The following MAX variants were observed in gnomAD, a reference collection of about 807,000 sequenced individuals.
The protein encoded by MAX is protein max.
A neutral mutation model predicts 22.3 loss-of-function variants in MAX; 3 were observed. The observed-to-expected ratio is 0.13, with a 90% CI of 0.06 to 0.35. MAX has a LOEUF of 0.35. Ranked by LOEUF, MAX falls within the 10% of genes least tolerant of loss-of-function variation. The pLI is 1.00. For synonymous variants in MAX, 72 were observed against 77.7 expected, an observed-to-expected ratio of 0.93 and a Z score of 0.39; for missense variants, 119 against 209.4, an observed-to-expected ratio of 0.57 and a Z score of 2.66.
Position 65,077,763 on chromosome 14 carries a change from C to T in MAX, c.295+150G>A, listed in dbSNP as rs1252715387. On this transcript the variant is annotated intron_variant, in intron 4 of 4. Transcript: ENST00000358664. This position sits in a 1 kb window ranked among gnomAD's most constrained non-coding sequence, Gnocchi z 6.3. ...AGGTCCTTCCTCAGGACGGCTCTAA[C>T]ACTCAGTTACTCAGGCCCCAAGAAG... 3.7e-6 allele frequency: 6 copies of T among 1,612,910 alleles called. No individual in the cohort carries two copies. In the East Asian group the frequency reaches 1.3e-4, roughly 36 times the overall value.
At chr14:65,015,480 G>A (rs2061755527) in intron 3 of MAX, 2 of 363,746 alleles carry the variant, frequency 5.5e-6, no homozygotes, top group Non-Finnish European at 9.8e-6. Context: ...AAAGCAAAGT[G>A]TCCTTTATTC....
rs1350604508 is a variant in MAX at position 65,077,598 on chromosome 14, T to C, written c.295+315A>G. On this transcript the variant is annotated intron_variant, in intron 4 of 4. Transcript: ENST00000358664. The surrounding 1 kb of genome is among the most constrained non-coding windows in gnomAD (Gnocchi z 6.3). Reference sequence around the variant, plus strand: ...CCACTCCAAGGACCTCAAAGCTCTTTTCAGACACCTGATGCCAGGTGTGAT... The same window carrying C: ...CCACTCCAAGGACCTCAAAGCTCTTCTCAGACACCTGATGCCAGGTGTGAT... The C allele has an allele frequency of 2.0e-6, 2 of 1,023,880 alleles. No individual in the cohort carries two copies. Among genetic ancestry groups the C allele is most frequent in the Admixed American group, 4.0e-5 (2 of 49,918 alleles). The allele number at this position is 1,023,880 out of a possible 1,614,324, so 63.4% of individuals were successfully genotyped here. A position where few individuals can be genotyped will look rare whatever the true frequency, so the allele number is the denominator to read the frequency against.
intron 3 of MAX, among the ~76,000 whole-genome samples, chr14:65,040,362 T>A (rs1327609283): frequency 1.3e-5 from 2 of 150,890 alleles, no homozygotes; most frequent in Non-Finnish European, 2.9e-5. Flanking sequence ...TCCCAAAGAG[T>A]AATAATTTGA....
In MAX at chr14:65,057,651, C is replaced by T. The variant is rs2062767551; in HGVS notation, c.171+36057G>A. 3.3e-5 allele frequency among the ~76,000 whole-genome samples: 5 copies of T among 152,312 alleles called. No individual in the cohort carries two copies. The South Asian group carries it at 1.0e-3, about 32-fold the overall frequency. On this transcript the variant is annotated intron_variant, in intron 3 of 3. Coordinates refer to the MAX transcript ENST00000341653. The stretch of plus-strand genomic sequence containing the variant: ...GAATGAACAAGGCAATGCAGCAAGT[C>T]ATTAAGTGTAACTTCTTCTAAATAG...
intron 3 of MAX, chr14:65,053,322 C>A: frequency 1.4e-6 from 2 of 1,437,342 alleles, no homozygotes; most frequent in Admixed American, 2.6e-5. Flanking sequence ...CAGTGCCCTG[C>A]GGGGGGGCTT....
chr14:65,024,103 T>TAA (rs557949276), intron 3 of MAX, among the ~76,000 whole-genome samples: 31 of 129,684 alleles, frequency 2.4e-4, no homozygotes, highest in Non-Finnish European at 2.6e-4. Flanking sequence ...CTCCATCTCC[T>TAA]AAAAAAAAAA....
intron 3 of MAX, among the ~76,000 whole-genome samples, chr14:65,026,509 A>T (rs994021165): frequency 6.6e-6 from 1 of 152,186 alleles, no homozygotes; most frequent in Non-Finnish European, 1.5e-5. Flanking sequence ...TAAGGTGAGC[A>T]TGAGAGCAGC....
intron 3 of MAX, among the ~76,000 whole-genome samples, chr14:65,080,631 G>A (rs906543811): frequency 6.6e-6 from 1 of 152,160 alleles, no homozygotes; most frequent in Admixed American, 6.5e-5. Flanking sequence ...AATTCTCTAA[G>A]ACCCCATCTA....
chr14:65,032,723 C>T lies in MAX; in HGVS notation c.172-26439G>A, dbSNP rs770050042. The stretch of plus-strand genomic sequence containing the variant: ...TGAGAGAAGCCAGGGTTTCTCCTGG[C>T]CTCTTGGAGAGCAGGCGGTCACGAC... On this transcript the variant is annotated intron_variant, in intron 3 of 3. Coordinates refer to the MAX transcript ENST00000341653. The surrounding 1 kb of genome is among the most constrained non-coding windows in gnomAD (Gnocchi z 5.0). The T allele has an allele frequency of 6.2e-7, 1 of 1,605,486 alleles. No individual in the cohort carries two copies.
At chr14:65,085,891 G>A (rs1286094974) in intron 3 of MAX, among the ~76,000 whole-genome samples, 3 of 152,090 alleles carry the variant, frequency 2.0e-5, no homozygotes, top group African/African-American at 7.2e-5. Flanking sequence ...ACAGAAGAGG[G>A]GTTGATATGG....
In MAX at chr14:65,027,530, C is replaced by T; in HGVS notation, c.172-21246G>A. 1 of 1,614,202 alleles carries T rather than the reference C, an allele frequency of 6.2e-7. No individual in the cohort carries two copies. The highest frequency in any genetic ancestry group is 8.5e-7 in the Non-Finnish European group (1 of 1,180,038). On this transcript the variant is annotated intron_variant, in intron 3 of 3. Transcript: ENST00000341653. This position sits in a 1 kb window ranked among gnomAD's most constrained non-coding sequence, Gnocchi z 5.7. Reference sequence around the variant, plus strand: ...GGACCCGGTCAGTATCCACACCTTGCACCCACATATGCAGCAGTCAATGCA... The same window carrying T: ...GGACCCGGTCAGTATCCACACCTTGTACCCACATATGCAGCAGTCAATGCA...
chr14:65,041,407 G>T (rs1450790353), intron 3 of MAX, among the ~76,000 whole-genome samples: 3 of 152,146 alleles, frequency 2.0e-5, no homozygotes, highest in Non-Finnish European at 4.4e-5. Context: ...CCACGCTCCT[G>T]GCCAGTATTC....
At chr14:65,026,719 G>C (rs1687996562) in intron 3 of MAX, among the ~76,000 whole-genome samples, 1 of 152,048 alleles carries the variant, frequency 6.6e-6, no homozygotes. Flanking sequence ...AAAATTGGCT[G>C]GGCGTGATGG....
chr14:65,025,685 C>G (rs148536318), intron 3 of MAX, among the ~76,000 whole-genome samples: 79 of 152,184 alleles, frequency 5.2e-4, no homozygotes, highest in Admixed American at 1.6e-3. Context: ...CGTGGTGGCT[C>G]ATGCCTGTAA....
chr14:65,061,437 G>A lies in MAX; in HGVS notation c.171+32271C>T, dbSNP rs1021233959. On this transcript the variant is annotated intron_variant, in intron 3 of 3. Coordinates refer to the MAX transcript ENST00000341653. ...GCCTCAGTGGAGCTGTGGTTCTCTT[G>A]GTACTTTCTTGTCAAACAAAACCAA... 2.1e-5 allele frequency: 30 copies of A among 1,424,422 alleles called. No homozygotes were observed. In the East Asian group the frequency reaches 4.7e-4, roughly 22 times the overall value. The allele number at this position is 1,424,422 out of a possible 1,614,324, so 88.2% of individuals were successfully genotyped here.
At chr14:65,051,719 C>A (rs1013928734) in intron 3 of MAX, among the ~76,000 whole-genome samples, 4 of 151,790 alleles carry the variant, frequency 2.6e-5, no homozygotes, top group African/African-American at 9.7e-5. Flanking sequence ...TCTTTTCCCC[C>A]GTTTTTCTTT....
At chr14:65,058,485 C>A (rs1247250870) in intron 3 of MAX, among the ~76,000 whole-genome samples, 1 of 152,088 alleles carries the variant, frequency 6.6e-6, no homozygotes, top group African/African-American at 2.4e-5. Context: ...TGGGTAAGAT[C>A]CCCACATAGT....
intron 3 of MAX, chr14:65,053,243 C>A (rs767511748): frequency 2.9e-6 from 4 of 1,400,172 alleles, no homozygotes; most frequent in Non-Finnish European, 3.8e-6. Context: ...AACAGGTGAC[C>A]CTGCCCTTAG....
chr14:65,083,994 C>T, intron 3 of MAX: 1 of 1,478,848 alleles, frequency 6.8e-7, no homozygotes, highest in East Asian at 2.4e-5. Flanking sequence ...GCAAAGGAGG[C>T]TGGAAGGTTG....
Sources: allele counts gnomAD v4.1 joint callset (sites outside exome capture counted in the v4.1 genomes callset), GRCh38; gene constraint gnomAD v4.1.1; non-coding constraint Gnocchi (gnomAD v3.1); transcripts MANE v1.5; gene names NCBI Gene and HGNC (gene_info 2026-07-23, HGNC 2026-07-21).